AKT3: variants seen among roughly 807,000 people sequenced by gnomAD.
The protein encoded by AKT3 is RAC-gamma serine/threonine-protein kinase.
Under a neutral mutation model 65.3 loss-of-function variants are expected in AKT3, and 15 were observed. That is an observed-to-expected ratio of 0.23 (90% CI 0.15 to 0.35). The LOEUF (loss-of-function observed/expected upper bound fraction) is 0.35, where lower values mean the gene tolerates loss of function less well. Ranked by LOEUF, AKT3 falls within the 10% of genes least tolerant of loss-of-function variation. The pLI is 1.00. For synonymous variants in AKT3, 206 were observed against 183.8 expected (o/e 1.12, Z -0.98); for missense variants, 243 against 576.5 (o/e 0.42, Z 5.92).
chr1:243,532,313 A>G (rs898088945), intron 12 of AKT3, among the ~76,000 whole-genome samples: 6 of 152,158 alleles, frequency 3.9e-5, no homozygotes, highest in African/African-American at 9.7e-5. Context: ...TGACCTTTAT[A>G]ATGTTGTGGC....
chr1:243,820,296 A>C (rs1331914617), intron 2 of AKT3, among the ~76,000 whole-genome samples: 1 of 152,214 alleles, frequency 6.6e-6, no homozygotes, highest in Non-Finnish European at 1.5e-5. Flanking sequence ...ATTCCATCTA[A>C]AGGTCAGCAG....
chr1:243,690,945 TATAAG>T (rs1684650071), intron 3 of AKT3, among the ~76,000 whole-genome samples: 1 of 152,098 alleles, frequency 6.6e-6, no homozygotes, highest in Admixed American at 6.6e-5. Flanking sequence ...CACTAGGAGA[TATAAG>T]ATAAATAAGA....
intron 3 of AKT3, among the ~76,000 whole-genome samples, chr1:243,684,934 G>A (rs568960008): frequency 6.6e-6 from 1 of 151,854 alleles, no homozygotes; most frequent in African/African-American, 2.4e-5. Flanking sequence ...TTCATATGTT[G>A]GTTGGCCACA....
intron 2 of AKT3, among the ~76,000 whole-genome samples, chr1:243,733,091 G>A (rs1388067980): frequency 6.6e-6 from 1 of 152,174 alleles, no homozygotes; most frequent in East Asian, 1.9e-4. Flanking sequence ...GTTCAGTACT[G>A]TGCTATGCCA....
chr1:243,803,062 G>A (rs1041836762), intron 2 of AKT3, among the ~76,000 whole-genome samples: 1 of 152,144 alleles, frequency 6.6e-6, no homozygotes, highest in Non-Finnish European at 1.5e-5. Context: ...GCAGGAGGAT[G>A]TCCTGAGCCC....
intron 8 of AKT3, among the ~76,000 whole-genome samples, chr1:243,608,558 A>G (rs181993467): frequency 6.6e-6 from 1 of 152,256 alleles, no homozygotes; most frequent in African/African-American, 2.4e-5. Context: ...ACAAAAGGCC[A>G]GTATTCTCAC....
At chr1:243,811,784 A>G (rs1218891775) in intron 2 of AKT3, among the ~76,000 whole-genome samples, 1 of 152,258 alleles carries the variant, frequency 6.6e-6, no homozygotes, top group African/African-American at 2.4e-5. Flanking sequence ...CTACAAGGCT[A>G]CAGTAACCAA....
chr1:243,607,929 C>T (rs1677551755), intron 8 of AKT3, among the ~76,000 whole-genome samples: 1 of 152,144 alleles, frequency 6.6e-6, no homozygotes, highest in South Asian at 2.1e-4. Context: ...TTCCTGTCAC[C>T]ATGTGAAGAA....
intron 2 of AKT3, among the ~76,000 whole-genome samples, chr1:243,738,443 C>G (rs1477003852): frequency 6.6e-6 from 1 of 152,154 alleles, no homozygotes; most frequent in African/African-American, 2.4e-5. Context: ...AAACGTTTAA[C>G]ATTCATCAGA....
chr1:243,666,864 G>A (rs1184452132), intron 3 of AKT3, among the ~76,000 whole-genome samples: 1 of 152,106 alleles, frequency 6.6e-6, no homozygotes, highest in Non-Finnish European at 1.5e-5. Flanking sequence ...ATTACACATA[G>A]ATGGGTGTTT....
intron 8 of AKT3, among the ~76,000 whole-genome samples, chr1:243,577,534 C>T (rs552869785): frequency 6.6e-6 from 1 of 152,192 alleles, no homozygotes; most frequent in Non-Finnish European, 1.5e-5. Context: ...ATACCTTATA[C>T]AAAAATTAAC....
At chr1:243,792,562 T>A (rs181233584) in intron 2 of AKT3, among the ~76,000 whole-genome samples, 37 of 152,224 alleles carry the variant, frequency 2.4e-4, no homozygotes, top group African/African-American at 6.7e-4. Flanking sequence ...AGCCTTACAA[T>A]CACTAAACAT....
intron 2 of AKT3, among the ~76,000 whole-genome samples, chr1:243,772,922 CA>C (rs1275724677): frequency 6.6e-6 from 1 of 150,744 alleles, no homozygotes; most frequent in African/African-American, 2.4e-5. Flanking sequence ...TCATTCTCAG[CA>C]AACTATCACC....
chr1:243,501,833 C>A lies in AKT3; in HGVS notation c.*3416G>T, dbSNP rs919674121. ...AAATCATGTTCATCCCTATCATATA[C>A]GTGTAAAAATACTAAGGATGTACAG... On this transcript the variant is annotated 3_prime_UTR_variant, in exon 14 of 14. Transcript: ENST00000673466. 1.3e-5 allele frequency: 3 copies of A among 232,508 alleles called. No individual in the cohort carries two copies. Among genetic ancestry groups the A allele is most frequent in the Non-Finnish European group, 2.5e-5 (3 of 117,752 alleles). 14.4% of individuals were successfully genotyped at this position (232,508 alleles called of 1,614,324 possible). A position where few individuals can be genotyped will look rare whatever the true frequency, so the allele number is the denominator to read the frequency against.
intron 11 of AKT3, among the ~76,000 whole-genome samples, chr1:243,546,161 C>T (rs1468818844): frequency 6.6e-6 from 1 of 152,130 alleles, no homozygotes. Flanking sequence ...CTGCACATGC[C>T]CTTGCCTGCT....
chr1:243,573,640 C>T (rs931148608), intron 8 of AKT3, among the ~76,000 whole-genome samples: 2 of 151,940 alleles, frequency 1.3e-5, no homozygotes, highest in Admixed American at 6.6e-5. Flanking sequence ...TTTAGTAATG[C>T]CCAAAATGAA....
intron 2 of AKT3, among the ~76,000 whole-genome samples, chr1:243,794,627 C>CA (rs1558816887): frequency 6.6e-6 from 1 of 152,116 alleles, no homozygotes; most frequent in Non-Finnish European, 1.5e-5. Context: ...AATGTTGGCT[C>CA]AGACACAAGA....
intron 3 of AKT3, among the ~76,000 whole-genome samples, chr1:243,674,434 A>C (rs1683366789): frequency 6.6e-6 from 1 of 152,226 alleles, no homozygotes; most frequent in Admixed American, 6.5e-5. Context: ...AGACTCACGA[A>C]GGAAACAATC....
At chr1:243,705,954 A>G (rs767514822) in intron 2 of AKT3, among the ~76,000 whole-genome samples, 5 of 152,210 alleles carry the variant, frequency 3.3e-5, no homozygotes, top group Non-Finnish European at 7.3e-5. Context: ...GTAGTCATAG[A>G]ATTTTAAACT....
Sources: gnomAD v4.1 joint callset for allele counts (sites outside exome capture counted in the v4.1 genomes callset) on GRCh38, gnomAD v4.1.1 for gene constraint, MANE v1.5 for transcripts, NCBI Gene and HGNC (gene_info 2026-07-23, HGNC 2026-07-21) for gene names.